Variants in GRID2 observed in about 807,000 individuals in gnomAD.
GRID2 encodes the protein glutamate receptor ionotropic, delta-2.
In GRID2, 33 loss-of-function variants were observed where a neutral mutation model predicts 114.8. The ratio of observed to expected loss-of-function variants is 0.29; its 90% CI spans 0.22 to 0.38. GRID2 has a LOEUF of 0.38. Ranked by LOEUF, GRID2 falls within the 10% of genes least tolerant of loss-of-function variation. The probability of loss-of-function intolerance (pLI) is 1.00; values close to 1 mark genes in which losing one functional copy is unlikely to be tolerated. For synonymous variants in GRID2, 505 were observed against 449.9 expected (o/e 1.12, Z -1.55); for missense variants, 1,184 against 1,257.7 (o/e 0.94, Z 0.89).
At chr4:93,679,691 A>G (rs1302362913) in intron 14 of GRID2, among the ~76,000 whole-genome samples, 8 of 151,238 alleles carry the variant, frequency 5.3e-5, no homozygotes, top group African/African-American at 9.8e-5. Flanking sequence ...GGTACATAAC[A>G]AAATGAAGGC....
intron 8 of GRID2, among the ~76,000 whole-genome samples, chr4:93,369,778 T>C (rs578129028): frequency 6.6e-6 from 1 of 152,336 alleles, no homozygotes; most frequent in South Asian, 2.1e-4. Flanking sequence ...TATAAGCCAC[T>C]GTGCCAGGCT....
chr4:92,897,602 A>T (rs904665614), intron 2 of GRID2, among the ~76,000 whole-genome samples: 1 of 152,180 alleles, frequency 6.6e-6, no homozygotes, highest in Non-Finnish European at 1.5e-5. Context: ...GTAAACAGAA[A>T]ATCTTTCACT....
intron 2 of GRID2, among the ~76,000 whole-genome samples, chr4:92,651,817 C>T (rs572454707): frequency 6.6e-6 from 1 of 152,232 alleles, no homozygotes; most frequent in Non-Finnish European, 1.5e-5. Flanking sequence ...TCAGCTATGT[C>T]CCAGAGTGGG....
At chr4:93,448,952 CCTT>C (rs976835554) in intron 10 of GRID2, among the ~76,000 whole-genome samples, 2 of 137,262 alleles carry the variant, frequency 1.5e-5, no homozygotes, top group Non-Finnish European at 3.1e-5. Flanking sequence ...CCTTTCCCTT[CCTT>C]CTTTTCTTCT....
At chr4:93,468,225 A>G (rs1724475759) in intron 11 of GRID2, among the ~76,000 whole-genome samples, 2 of 152,288 alleles carry the variant, frequency 1.3e-5, no homozygotes, top group Admixed American at 1.3e-4. Flanking sequence ...TCTAAATTAA[A>G]GATCATTCAA....
intron 2 of GRID2, among the ~76,000 whole-genome samples, chr4:92,792,409 T>C (rs1293058425): frequency 6.6e-6 from 1 of 150,536 alleles, no homozygotes; most frequent in Non-Finnish European, 1.5e-5. Context: ...GCTACTTTAC[T>C]TCCTGACCCC....
intron 8 of GRID2, among the ~76,000 whole-genome samples, chr4:93,289,588 G>T (rs889893963): frequency 9.9e-5 from 15 of 152,126 alleles, no homozygotes; most frequent in African/African-American, 3.4e-4. Flanking sequence ...AATAAAAATG[G>T]CTTTGTTTCT....
intron 1 of GRID2, among the ~76,000 whole-genome samples, chr4:92,408,789 G>A (rs1731157518): frequency 6.6e-6 from 1 of 151,746 alleles, no homozygotes; most frequent in African/African-American, 2.4e-5. Context: ...GAACGTTATT[G>A]GTGTGCAAAA....
intron 2 of GRID2, among the ~76,000 whole-genome samples, chr4:92,889,303 A>G (rs191585067): frequency 7.2e-5 from 11 of 152,308 alleles, no homozygotes; most frequent in African/African-American, 2.4e-4. Flanking sequence ...AGGGTATTCA[A>G]ATAGGAAGAG....
chr4:92,851,965 A>T lies in GRID2; in HGVS notation c.245-233030A>T, dbSNP rs1479974061. Among the ~76,000 whole-genome samples, 7 of 152,092 alleles carry T rather than the reference A, an allele frequency of 4.6e-5. No individual in the cohort carries two copies. The East Asian group carries it at 9.7e-4, about 21-fold the overall frequency. On this transcript the variant is annotated intron_variant, in intron 2 of 15. Coordinates refer to ENST00000282020, the MANE Select transcript of GRID2 (RefSeq NM_001510.4). ...AAGAAATCAATTCGTAAATATTTAG[A>T]GTCCTTTTGTTAAGAAATTTGTAAA...
At chr4:92,994,128 T>C (rs564101485) in intron 2 of GRID2, among the ~76,000 whole-genome samples, 17 of 152,166 alleles carry the variant, frequency 1.1e-4, no homozygotes, top group Admixed American at 3.9e-4. Flanking sequence ...CAATCCAGAA[T>C]TGCATTTAAA....
chr4:93,764,889 G>A (rs1336781519), intron 14 of GRID2, among the ~76,000 whole-genome samples: 2 of 151,990 alleles, frequency 1.3e-5, no homozygotes, highest in African/African-American at 4.8e-5. Context: ...TTTTTCTTGT[G>A]TTTATTAAGA....
At chr4:92,913,195 G>C (rs577152712) in intron 2 of GRID2, among the ~76,000 whole-genome samples, 1 of 151,872 alleles carries the variant, frequency 6.6e-6, no homozygotes, top group East Asian at 1.9e-4. Context: ...AAAGTTTTGT[G>C]AATATCAAGT....
chr4:92,670,618 A>G (rs898831884), intron 2 of GRID2, among the ~76,000 whole-genome samples: 9 of 152,086 alleles, frequency 5.9e-5, no homozygotes, highest in Admixed American at 4.6e-4. Flanking sequence ...TATTATTGCT[A>G]ACAATAAATG....
At chr4:92,368,421 C>T (rs146808548) in intron 1 of GRID2, among the ~76,000 whole-genome samples, 24 of 152,012 alleles carry the variant, frequency 1.6e-4, no homozygotes, top group African/African-American at 2.7e-4. Context: ...AGACTCCTTG[C>T]GCTGTCTCAT....
At chr4:92,429,386 T>G (rs1435381933) in intron 1 of GRID2, among the ~76,000 whole-genome samples, 1 of 152,214 alleles carries the variant, frequency 6.6e-6, no homozygotes, top group African/African-American at 2.4e-5. Flanking sequence ...CTTAATGTAA[T>G]GTCCTTTCAT....
intron 2 of GRID2, among the ~76,000 whole-genome samples, chr4:92,873,965 C>T (rs927985849): frequency 9.2e-5 from 14 of 152,206 alleles, no homozygotes; most frequent in Admixed American, 5.9e-4. Flanking sequence ...CCACCTGCCT[C>T]GGCCTCCCAA....
At chr4:92,521,642 G>C (rs1724784267) in intron 1 of GRID2, among the ~76,000 whole-genome samples, 1 of 151,902 alleles carries the variant, frequency 6.6e-6, no homozygotes, top group South Asian at 2.1e-4. Context: ...TTTTCCTGGA[G>C]GAAATGGTGC....
intron 4 of GRID2, among the ~76,000 whole-genome samples, chr4:93,156,141 A>G (rs1322273703): frequency 6.6e-6 from 1 of 151,808 alleles, no homozygotes; most frequent in African/African-American, 2.4e-5. Flanking sequence ...AAGATTATGA[A>G]TGAATAAATA....
Sources: allele counts gnomAD v4.1 joint callset (sites outside exome capture counted in the v4.1 genomes callset), GRCh38; gene constraint gnomAD v4.1.1; transcripts MANE v1.5; gene names NCBI Gene and HGNC (gene_info 2026-07-23, HGNC 2026-07-21).